The following CSGALNACT1 variants were observed in gnomAD, a reference collection of about 807,000 sequenced individuals.
The protein encoded by CSGALNACT1 is beta4GalNAcT-1.
Under a neutral mutation model 51.0 loss-of-function variants are expected in CSGALNACT1, and 52 were observed. The ratio of observed to expected loss-of-function variants is 1.02; its 90% CI spans 0.82 to 1.29. The LOEUF (loss-of-function observed/expected upper bound fraction) is 1.29. Ranked by LOEUF, CSGALNACT1 falls within the 50% of genes most tolerant of loss-of-function variation. CSGALNACT1 has a pLI of 0.00. For synonymous variants in CSGALNACT1, 341 were observed against 254.4 expected, an observed-to-expected ratio of 1.34 and a Z score of -3.24; for missense variants, 935 against 679.2, an observed-to-expected ratio of 1.38 and a Z score of -4.19.
At chr8:19,463,345 T>A (rs2065964127) in intron 4 of CSGALNACT1, among the ~76,000 whole-genome samples, 1 of 152,152 alleles carries the variant, frequency 6.6e-6, no homozygotes, top group African/African-American at 2.4e-5. Context: ...TACCCAGCCA[T>A]CCACCCACCA....
intron 1 of CSGALNACT1, among the ~76,000 whole-genome samples, chr8:19,703,177 T>C (rs2061975164): frequency 6.6e-6 from 1 of 152,138 alleles, no homozygotes; most frequent in East Asian, 1.9e-4. Context: ...TCGAGAGCTT[T>C]TCCTTCTCAA....
chr8:19,711,270 T>C (rs1419341297), intron 1 of CSGALNACT1, among the ~76,000 whole-genome samples: 2 of 152,142 alleles, frequency 1.3e-5, no homozygotes, highest in Non-Finnish European at 2.9e-5. Context: ...ACCGATATTT[T>C]TATCCTGAAA....
At chr8:19,741,266 G>GTTCA (rs1287120527) in intron 1 of CSGALNACT1, among the ~76,000 whole-genome samples, 1 of 152,132 alleles carries the variant, frequency 6.6e-6, no homozygotes, top group African/African-American at 2.4e-5. Context: ...AGCCCTCAGA[G>GTTCA]GTGAAAAGGG....
At chr8:19,561,884 G>A (rs1166636340) in intron 3 of CSGALNACT1, among the ~76,000 whole-genome samples, 3 of 152,198 alleles carry the variant, frequency 2.0e-5, no homozygotes, top group African/African-American at 7.2e-5. Flanking sequence ...CTGAGCCCAA[G>A]CCAGGCCCAG....
intron 1 of CSGALNACT1, among the ~76,000 whole-genome samples, chr8:19,753,984 G>A (rs1000703590): frequency 1.3e-5 from 2 of 152,066 alleles, no homozygotes; most frequent in Non-Finnish European, 2.9e-5. Flanking sequence ...GACTTTCAGT[G>A]ATGCATCTTG....
chr8:19,485,152 G>T (rs760767457), intron 4 of CSGALNACT1, among the ~76,000 whole-genome samples: 50 of 152,190 alleles, frequency 3.3e-4, no homozygotes, highest in Non-Finnish European at 5.1e-4. Context: ...TGCCCAGAAT[G>T]TGTCTTCTGT....
At chr8:19,459,471 T>C (rs2064900829) in intron 4 of CSGALNACT1, among the ~76,000 whole-genome samples, 1 of 146,786 alleles carries the variant, frequency 6.8e-6, no homozygotes, top group Admixed American at 6.9e-5. Flanking sequence ...CCCCTGGGAG[T>C]AGCTCAGTTC....
At chr8:19,595,486 A>G (rs2048695470) in intron 2 of CSGALNACT1, among the ~76,000 whole-genome samples, 1 of 152,350 alleles carries the variant, frequency 6.6e-6, no homozygotes, top group South Asian at 2.1e-4. Context: ...TCAAATTACC[A>G]TTTATTTTAA....
At chr8:19,686,960 T>C (rs1392191155), upstream of CSGALNACT1, among the ~76,000 whole-genome samples, 4 of 152,206 alleles carry the variant, frequency 2.6e-5, no homozygotes, top group East Asian at 5.8e-4. Context: ...GGCACAGAGC[T>C]TTCCATCAGG....
intron 1 of CSGALNACT1, among the ~76,000 whole-genome samples, chr8:19,659,592 A>G (rs1020525832): frequency 1.2e-4 from 19 of 152,248 alleles, no homozygotes; most frequent in Admixed American, 2.0e-4. Flanking sequence ...TGCCTGGATC[A>G]CATAAGTTAC....
chr8:19,657,254 T>TAAACTGAAAGAC (rs2058363868), intron 1 of CSGALNACT1, among the ~76,000 whole-genome samples: 1 of 146,466 alleles, frequency 6.8e-6, no homozygotes. Context: ...AACTGAAAGA[T>TAAACTGAAAGAC]AAACTGAAAG....
At chr8:19,549,358 T>C (rs2087319244) in intron 3 of CSGALNACT1, among the ~76,000 whole-genome samples, 1 of 152,182 alleles carries the variant, frequency 6.6e-6, no homozygotes, top group Non-Finnish European at 1.5e-5. Flanking sequence ...CAACTTTTTG[T>C]TTTTTCTTGC....
At chr8:19,707,933 G>A (rs1464623836) in intron 1 of CSGALNACT1, among the ~76,000 whole-genome samples, 1 of 152,156 alleles carries the variant, frequency 6.6e-6, no homozygotes, top group Non-Finnish European at 1.5e-5. Context: ...CCCAAGGAGG[G>A]GGAGGCAGAG....
chr8:19,626,930 C>A (rs1282439066), intron 1 of CSGALNACT1, among the ~76,000 whole-genome samples: 1 of 152,190 alleles, frequency 6.6e-6, no homozygotes, highest in East Asian at 1.9e-4. Context: ...TGTAGAGGAA[C>A]TGGGTCCCTC....
intron 1 of CSGALNACT1, among the ~76,000 whole-genome samples, chr8:19,676,499 C>T (rs1190270909): frequency 1.3e-5 from 2 of 152,124 alleles, no homozygotes; most frequent in African/African-American, 2.4e-5. Context: ...ACTTGAACAT[C>T]AACAGAAACT....
chr8:19,595,890 G>A (rs187049866), intron 2 of CSGALNACT1, among the ~76,000 whole-genome samples: 5 of 136,882 alleles, frequency 3.7e-5, no homozygotes, highest in Admixed American at 3.1e-4. Flanking sequence ...TTGAGACAGG[G>A]TCTCACTCTG....
intron 3 of CSGALNACT1, among the ~76,000 whole-genome samples, chr8:19,578,744 A>G (rs1341362266): frequency 6.6e-6 from 1 of 152,140 alleles, no homozygotes; most frequent in Non-Finnish European, 1.5e-5. Context: ...AGTCTGACTC[A>G]GTCTGACCTT....
intron 4 of CSGALNACT1, among the ~76,000 whole-genome samples, chr8:19,498,648 C>T (rs1242548902): frequency 3.3e-5 from 5 of 152,186 alleles, no homozygotes; most frequent in African/African-American, 4.8e-5. Flanking sequence ...ACATGTCCTT[C>T]CAATTTGTGT....
At chr8:19,417,558 G>A (rs569874964) in intron 8 of CSGALNACT1, among the ~76,000 whole-genome samples, 10 of 152,296 alleles carry the variant, frequency 6.6e-5, no homozygotes, top group South Asian at 4.1e-4. Flanking sequence ...CCCATTGTAC[G>A]GAAGCATCAG....
Sources: gnomAD v4.1 joint callset for allele counts (sites outside exome capture counted in the v4.1 genomes callset) on GRCh38, gnomAD v4.1.1 for gene constraint, MANE v1.5 for transcripts, NCBI Gene and HGNC (gene_info 2026-07-23, HGNC 2026-07-21) for gene names.